TTC28: variants seen among roughly 807,000 people sequenced by gnomAD.
TTC28 encodes the protein tetratricopeptide repeat protein 28.
TTC28 carries 61 observed loss-of-function variants against 198.0 expected under a neutral mutation model. The ratio of observed to expected loss-of-function variants is 0.31; its 90% CI spans 0.25 to 0.38. The LOEUF (loss-of-function observed/expected upper bound fraction) is 0.38. Among genes scored for constraint, TTC28 ranks in the 10% least tolerant of loss-of-function variants. The pLI is 1.00. For synonymous variants in TTC28, 1,171 were observed against 1,297.8 expected (o/e 0.90, Z 2.10); for missense variants, 2,678 against 3,164.0 (o/e 0.85, Z 3.69).
intron 12 of TTC28, among the ~76,000 whole-genome samples, chr22:28,060,419 C>G (rs1940476163): frequency 6.6e-6 from 1 of 152,226 alleles, no homozygotes; most frequent in African/African-American, 2.4e-5. Flanking sequence ...CTACAAAGGA[C>G]ATGAACTCAT....
chr22:28,632,652 A>G (rs1340554340), intron 1 of TTC28, among the ~76,000 whole-genome samples: 1 of 152,130 alleles, frequency 6.6e-6, no homozygotes, highest in East Asian at 1.9e-4. Flanking sequence ...CAATAATACC[A>G]TAAGTTATAG....
chr22:28,138,755 T>A (rs1048450596), intron 6 of TTC28, among the ~76,000 whole-genome samples: 6 of 152,258 alleles, frequency 3.9e-5, no homozygotes, highest in African/African-American at 1.4e-4. Flanking sequence ...GAGTCCTTTA[T>A]CCCTAGGCAG....
At chr22:28,178,897 G>A (rs1162012942) in intron 5 of TTC28, among the ~76,000 whole-genome samples, 1 of 152,184 alleles carries the variant, frequency 6.6e-6, no homozygotes, top group African/African-American at 2.4e-5. Flanking sequence ...ACATATGTGA[G>A]ACTCTAGCCC....
chr22:28,145,778 G>A (rs1359938823), intron 6 of TTC28, among the ~76,000 whole-genome samples: 2 of 152,090 alleles, frequency 1.3e-5, no homozygotes, highest in African/African-American at 2.4e-5. Flanking sequence ...ACACTCTTTC[G>A]ACATATGATA....
intron 2 of TTC28, among the ~76,000 whole-genome samples, chr22:28,455,887 T>C (rs1437665985): frequency 6.6e-6 from 1 of 151,958 alleles, no homozygotes; most frequent in African/African-American, 2.4e-5. Flanking sequence ...GGACCAAGTA[T>C]TGTGGGTCAT....
intron 6 of TTC28, among the ~76,000 whole-genome samples, chr22:28,142,137 C>G (rs1376563234): frequency 1.3e-5 from 2 of 152,188 alleles, no homozygotes; most frequent in Non-Finnish European, 2.9e-5. Flanking sequence ...GAAGGTAAAA[C>G]TTTTTTAAAA....
chr22:28,397,461 T>C (rs1379474240), intron 2 of TTC28, among the ~76,000 whole-genome samples: 2 of 152,234 alleles, frequency 1.3e-5, no homozygotes, highest in Non-Finnish European at 2.9e-5. Context: ...AAACCATACA[T>C]AATGTTGCAT....
At chr22:28,490,469 A>G (rs2048362579) in intron 2 of TTC28, among the ~76,000 whole-genome samples, 1 of 152,204 alleles carries the variant, frequency 6.6e-6, no homozygotes, top group Non-Finnish European at 1.5e-5. Context: ...CTTTGATCAG[A>G]ACAAGTCATA....
chr22:28,614,716 G>T (rs2050873367), intron 2 of TTC28, among the ~76,000 whole-genome samples: 2 of 152,152 alleles, frequency 1.3e-5, no homozygotes, highest in African/African-American at 4.8e-5. Context: ...TTTAATAAAT[G>T]GTGCTGGGAA....
At chr22:28,611,543 A>T (rs2050820157) in intron 2 of TTC28, among the ~76,000 whole-genome samples, 1 of 147,232 alleles carries the variant, frequency 6.8e-6, no homozygotes, top group Non-Finnish European at 1.5e-5. Flanking sequence ...GTTTTAGGGT[A>T]CATGTGCACA....
chr22:28,595,635 A>C (rs2050526563), intron 2 of TTC28, among the ~76,000 whole-genome samples: 1 of 152,206 alleles, frequency 6.6e-6, no homozygotes, highest in African/African-American at 2.4e-5. Context: ...TTAATAAGTA[A>C]TAATATGTGA....
intron 2 of TTC28, among the ~76,000 whole-genome samples, chr22:28,504,013 T>C (rs5762664): frequency 0.086 from 13,159 of 152,298 alleles, 733 homozygotes; most frequent in Middle Eastern, 0.2. Flanking sequence ...CTTGAGTCAA[T>C]AGACTAATGT....
At chr22:28,679,383 GC>G (rs1267733209) in intron 1 of TTC28, among the ~76,000 whole-genome samples, 1 of 152,022 alleles carries the variant, frequency 6.6e-6, no homozygotes, top group Non-Finnish European at 1.5e-5. Context: ...GTGTGCGCAG[GC>G]CAACACCCAT....
chr22:28,302,039 A>AAAT (rs10656307), intron 3 of TTC28, among the ~76,000 whole-genome samples: 70,317 of 145,424 alleles, frequency 0.48, 17,780 homozygotes, highest in South Asian at 0.58. Context: ...TCCTGTCTCA[A>AAAT]AATAATAATA....
chr22:28,285,550 T>A (rs2044668304), intron 5 of TTC28, among the ~76,000 whole-genome samples: 1 of 152,140 alleles, frequency 6.6e-6, no homozygotes, highest in African/African-American at 2.4e-5. Flanking sequence ...AAAGAATGGA[T>A]CTTCAGTGTC....
At chr22:28,343,834 T>A (rs952548262) in intron 2 of TTC28, among the ~76,000 whole-genome samples, 1 of 152,208 alleles carries the variant, frequency 6.6e-6, no homozygotes, top group Non-Finnish European at 1.5e-5. Context: ...ATTACATGAA[T>A]AGTAAAAACT....
intron 13 of TTC28, among the ~76,000 whole-genome samples, chr22:28,020,552 C>T (rs1419247705): frequency 3.9e-5 from 6 of 152,116 alleles, no homozygotes; most frequent in East Asian, 1.9e-4. Flanking sequence ...AATCTTCCCT[C>T]GCTGCTCATG....
chr22:28,427,367 A>G (rs945007800), intron 2 of TTC28, among the ~76,000 whole-genome samples: 4 of 152,214 alleles, frequency 2.6e-5, no homozygotes, highest in Non-Finnish European at 5.9e-5. Context: ...TGTAAGAGGA[A>G]AAAAGGCCGA....
At chr22:28,395,172 A>G (rs906956199) in intron 2 of TTC28, among the ~76,000 whole-genome samples, 1 of 152,190 alleles carries the variant, frequency 6.6e-6, no homozygotes, top group African/African-American at 2.4e-5. Context: ...ATATGCATGC[A>G]TATGTATGTA....
Sources: allele counts gnomAD v4.1 joint callset (sites outside exome capture counted in the v4.1 genomes callset), GRCh38; gene constraint gnomAD v4.1.1; transcripts MANE v1.5; gene names NCBI Gene and HGNC (gene_info 2026-07-23, HGNC 2026-07-21).